Variants in BEAN1 observed in about 807,000 individuals in gnomAD.
BEAN1 encodes the protein protein BEAN1.
In BEAN1, 17 loss-of-function variants were observed where a neutral mutation model predicts 17.7. The observed-to-expected ratio is 0.96, with a 90% CI of 0.66 to 1.44. The LOEUF (loss-of-function observed/expected upper bound fraction) is 1.44, where lower values mean the gene tolerates loss of function less well. BEAN1 is among the 40% of genes most tolerant of loss of function. BEAN1 has a pLI of 0.00. For synonymous variants in BEAN1, 142 were observed against 151.8 expected (o/e 0.94, Z 0.47); for missense variants, 359 against 374.1 (o/e 0.96, Z 0.33).
At position 66,493,335 on chromosome 16, in the gene BEAN1, C is replaced by A. The variant is rs1964203865; in HGVS notation, c.521C>A (p.Ala174Asp). 6 of 686,100 alleles carry A rather than the reference C, an allele frequency of 8.7e-6. No individual in the cohort carries two copies. In the East Asian group the frequency reaches 1.6e-4, roughly 18 times the overall value. 42.5% of individuals were successfully genotyped at this position (686,100 alleles called of 1,614,324 possible). ...TCAGAAGGGGTGGGGTCCGAGACGGCCCTGGCAGAGGGCACTGCTGGCCAG... is the reference window on the plus strand; with the variant it reads ...TCAGAAGGGGTGGGGTCCGAGACGGACCTGGCAGAGGGCACTGCTGGCCAG... The change falls in exon 5 of 5, where the codon GCC (alanine) becomes GAC (aspartate). Residue 174 changes from alanine to aspartate, a missense_variant. Coordinates refer to the BEAN1 transcript ENST00000561796.
rs532698827 is a variant in BEAN1 at position 66,441,238 on chromosome 16, T to C, written c.25+3537T>C. On this transcript the variant is annotated intron_variant, in intron 2 of 4. Coordinates refer to ENST00000536005, the MANE Select transcript of BEAN1 (RefSeq NM_001178020.3). ...GAGTCAAGATGAAGCAAATGCTTTGTGGACAGCCTCCATGGCTCACAGACC... is the reference window on the plus strand; with the variant it reads ...GAGTCAAGATGAAGCAAATGCTTTGCGGACAGCCTCCATGGCTCACAGACC... Among the ~76,000 whole-genome samples, 7 of 152,290 alleles carry C rather than the reference T, an allele frequency of 4.6e-5. No homozygotes were observed. The South Asian group carries it at 1.0e-3, about 23-fold the overall frequency.
chr16:66,447,210 C>A (rs1232368127), intron 2 of BEAN1, among the ~76,000 whole-genome samples: 1 of 152,284 alleles, frequency 6.6e-6, no homozygotes, highest in South Asian at 2.1e-4. Flanking sequence ...TTTGCGGGTG[C>A]CTTCATACCT....
intron 4 of BEAN1, among the ~76,000 whole-genome samples, chr16:66,490,396 C>CAATAAAATACAATAAAATAA (rs1964149596): frequency 1.5e-5 from 1 of 67,602 alleles, no homozygotes. Flanking sequence ...GACTCTGTTT[C>CAATAAAATACAATAAAATAA]AATAAAATAA....
chr16:66,465,119 T>C (rs1481291358), intron 2 of BEAN1, among the ~76,000 whole-genome samples: 1 of 152,236 alleles, frequency 6.6e-6, no homozygotes, highest in Admixed American at 6.5e-5. Flanking sequence ...GAATTCAATT[T>C]TGTCATATTT....
chr16:66,437,561 G>T, intron 1 of BEAN1, 34 bp from the exon 2 acceptor site: 2 of 1,275,462 alleles, frequency 1.6e-6, no homozygotes, highest in South Asian at 1.4e-5. Flanking sequence ...TGCGCCATGG[G>T]CCCCCCAACA....
chr16:66,469,578 A>G (rs1304109163), intron 2 of BEAN1, 24 bp from the exon 3 acceptor site: 3 of 1,528,476 alleles, frequency 2.0e-6, no homozygotes, highest in East Asian at 2.5e-5. Context: ...GCTCCAGCTC[A>G]GTGTCCTCTC....
At chr16:66,449,035 T>C (rs1230479439) in intron 2 of BEAN1, among the ~76,000 whole-genome samples, 1 of 151,810 alleles carries the variant, frequency 6.6e-6, no homozygotes, top group Non-Finnish European at 1.5e-5. Flanking sequence ...AAACACATCC[T>C]TACTTGCATC....
chr16:66,436,905 G>A (rs1424856723), intron 1 of BEAN1, among the ~76,000 whole-genome samples: 1 of 152,056 alleles, frequency 6.6e-6, no homozygotes, highest in Non-Finnish European at 1.5e-5. Context: ...TTCTGAATCG[G>A]TAATTTAATA....
intron 1 of BEAN1, among the ~76,000 whole-genome samples, chr16:66,435,075 A>C (rs1961961103): frequency 6.6e-6 from 1 of 152,052 alleles, no homozygotes; most frequent in Non-Finnish European, 1.5e-5. Context: ...CTGGGTATTG[A>C]CAGCTACATA....
Position 66,481,048 on chromosome 16 carries a change from T to C in BEAN1, c.*123T>C. ...CTCATAACACACACATAGACCAAAC[T>C]TGTATACACACAGACATCTACACTG... is the stretch of plus-strand genomic sequence containing the variant. On this transcript the variant is annotated 3_prime_UTR_variant, in exon 5 of 5. Transcript: ENST00000536005. This position sits in a 1 kb window ranked among gnomAD's most constrained non-coding sequence, Gnocchi z 4.1. The C allele has an allele frequency of 1.3e-6, 1 of 781,648 alleles. No homozygotes were observed. The highest frequency in any genetic ancestry group is 2.1e-5 in the South Asian group (1 of 47,736). The allele number at this position is 781,648 out of a possible 1,614,324, so 48.4% of individuals were successfully genotyped here.
At chr16:66,483,423 C>T (rs40191), downstream of BEAN1, 12,861 of 153,250 alleles carry the variant, frequency 0.084, 631 homozygotes, top group South Asian at 0.21. Flanking sequence ...AGAGACTACA[C>T]GTTTTACTCT....
chr16:66,448,690 G>A (rs576565092), intron 2 of BEAN1, among the ~76,000 whole-genome samples: 93 of 152,348 alleles, frequency 6.1e-4, no homozygotes, highest in African/African-American at 2.1e-3. Flanking sequence ...GGGTGTGGTG[G>A]CGGATGCCTG....
exon 5 of BEAN1, chr16:66,493,169 A>C (rs1267393336): frequency 2.8e-6 from 2 of 703,018 alleles, no homozygotes; most frequent in African/African-American, 1.7e-5. Context: ...AACCGCGGGC[A>C]CACGGATGCT....
chr16:66,454,190 C>T (rs1241262653), intron 2 of BEAN1, among the ~76,000 whole-genome samples: 1 of 152,186 alleles, frequency 6.6e-6, no homozygotes, highest in South Asian at 2.1e-4. Context: ...GAGAATGTCT[C>T]ATGTGCACTT....
Position 66,450,235 on chromosome 16 carries a change from G to A in BEAN1, c.25+12534G>A, listed in dbSNP as rs568723822. On this transcript the variant is annotated intron_variant, in intron 2 of 4. Transcript: ENST00000536005. Reference sequence around the variant, plus strand: ...GATTGTCTTATTACGAGAGCCGTGGGGATGGCAAGCTGATGAAACACATGC... The same window carrying A: ...GATTGTCTTATTACGAGAGCCGTGGAGATGGCAAGCTGATGAAACACATGC... Among the ~76,000 whole-genome samples the A allele has an allele frequency of 5.9e-5, 9 of 152,304 alleles. No homozygotes were observed. The East Asian group carries it at 1.5e-3, about 26-fold the overall frequency.
At chr16:66,487,857 C>T (rs1964110530) in intron 4 of BEAN1, among the ~76,000 whole-genome samples, 1 of 152,218 alleles carries the variant, frequency 6.6e-6, no homozygotes, top group Non-Finnish European at 1.5e-5. Flanking sequence ...CCTGCCTGCA[C>T]TGTTCCCAAA....
At chr16:66,457,733 A>C (rs745860433) in intron 2 of BEAN1, among the ~76,000 whole-genome samples, 5 of 151,776 alleles carry the variant, frequency 3.3e-5, no homozygotes, top group Admixed American at 6.6e-5. Context: ...TCCCTCTATC[A>C]GTCTCCTGGT....
intron 2 of BEAN1, among the ~76,000 whole-genome samples, chr16:66,462,698 G>A (rs183633513): frequency 4.9e-4 from 74 of 152,274 alleles, no homozygotes; most frequent in Non-Finnish European, 8.2e-4. Flanking sequence ...CTACTTGGGA[G>A]GCTGAGGCGG....
At chr16:66,438,182 G>A (rs142795279) in intron 2 of BEAN1, among the ~76,000 whole-genome samples, 12 of 152,170 alleles carry the variant, frequency 7.9e-5, no homozygotes, top group South Asian at 2.1e-4. Flanking sequence ...TCAGGAGTTC[G>A]AGACCAGCCT....
Sources: gnomAD v4.1 joint callset for allele counts (sites outside exome capture counted in the v4.1 genomes callset) on GRCh38, gnomAD v4.1.1 for gene constraint, Gnocchi (gnomAD v3.1) non-coding constraint, MANE v1.5 for transcripts, NCBI Gene and HGNC (gene_info 2026-07-23, HGNC 2026-07-21) for gene names.